Variants in RASAL2 observed in about 807,000 individuals in gnomAD.
RASAL2 encodes the protein ras GTPase-activating protein nGAP.
In RASAL2, 58 loss-of-function variants were observed where a neutral mutation model predicts 128.9. The observed-to-expected ratio is 0.45, with a 90% CI of 0.36 to 0.56. The LOEUF (loss-of-function observed/expected upper bound fraction) is 0.56, where lower values mean the gene tolerates loss of function less well. RASAL2 is among the 20% of genes least tolerant of loss of function. The pLI, the probability that RASAL2 is intolerant of heterozygous loss-of-function variation, is 0.00. For missense variants in RASAL2, 1,360 were observed against 1,601.6 expected (o/e 0.85, Z 2.57); for synonymous variants, 561 against 580.8 (o/e 0.97, Z 0.49).
chr1:178,259,688 A>G (rs1478670852), intron 1 of RASAL2, among the ~76,000 whole-genome samples: 1 of 152,132 alleles, frequency 6.6e-6, no homozygotes, highest in African/African-American at 2.4e-5. Flanking sequence ...TAGCCTCCCC[A>G]GTAGCTGGGA....
chr1:178,209,938 A>G (rs1192635350), intron 1 of RASAL2, among the ~76,000 whole-genome samples: 2 of 151,706 alleles, frequency 1.3e-5, no homozygotes, highest in Admixed American at 1.3e-4. Flanking sequence ...CTATGGATTG[A>G]TATCTTTTAT....
intron 17 of RASAL2, among the ~76,000 whole-genome samples, chr1:178,471,078 TAC>T (rs1648219897): frequency 6.6e-6 from 1 of 152,210 alleles, no homozygotes; most frequent in East Asian, 1.9e-4. Flanking sequence ...AGTAAGTAAT[TAC>T]AGTCATTCTT....
At position 178,094,443 on chromosome 1, in the gene RASAL2, C is replaced by T; in HGVS notation, c.-50C>T. On this transcript the variant is annotated 5_prime_UTR_variant, in exon 1 of 18. Coordinates refer to ENST00000367649, the MANE Select transcript of RASAL2 (RefSeq NM_170692.4). ...CGCAGGCAGGGCGCGGAGCCGCGCG[C>T]CAGCCCGCCCCGAAGCCGCCGCCTC... 1 of 1,476,858 alleles carries T rather than the reference C, an allele frequency of 6.8e-7. No individual in the cohort carries two copies. Among genetic ancestry groups the T allele is most frequent in the South Asian group, 1.3e-5 (1 of 74,260 alleles). The allele number at this position is 1,476,858 out of a possible 1,614,324, so 91.5% of individuals were successfully genotyped here. A position where few individuals can be genotyped will look rare whatever the true frequency, so the allele number is the denominator to read the frequency against.
Position 178,250,994 on chromosome 1 carries a change from A to G in RASAL2, c.203-32570A>G, listed in dbSNP as rs1475068112. On this transcript the variant is annotated intron_variant, in intron 1 of 17. Coordinates refer to ENST00000367649, the MANE Select transcript of RASAL2 (RefSeq NM_170692.4). ...AGTGTCATGTTTGCTGCTACTGTTAATAACTTTTGTTACTATTTTGTAAAA... is the reference window on the plus strand; with the variant it reads ...AGTGTCATGTTTGCTGCTACTGTTAGTAACTTTTGTTACTATTTTGTAAAA... Among the ~76,000 whole-genome samples the G allele has an allele frequency of 2.6e-5, 4 of 152,192 alleles. No individual in the cohort carries two copies. The East Asian group carries it at 7.7e-4, about 29-fold the overall frequency.
intron 3 of RASAL2, among the ~76,000 whole-genome samples, chr1:178,333,812 C>T (rs374346999): frequency 5.9e-5 from 9 of 152,154 alleles, no homozygotes; most frequent in East Asian, 3.8e-4. Flanking sequence ...CTCACTGAAA[C>T]AAACTTCTCC....
At chr1:178,378,489 A>G (rs569165956) in intron 3 of RASAL2, among the ~76,000 whole-genome samples, 3 of 152,222 alleles carry the variant, frequency 2.0e-5, no homozygotes, top group East Asian at 1.9e-4. Flanking sequence ...GACTCCAACA[A>G]TTAGTCTTCT....
At position 178,257,048 on chromosome 1, in the gene RASAL2, A is replaced by T. The variant is rs1665386703; in HGVS notation, c.203-26516A>T. On this transcript the variant is annotated intron_variant, in intron 1 of 17. Coordinates refer to ENST00000367649, the MANE Select transcript of RASAL2 (RefSeq NM_170692.4). ...ATTTTATTCATAAAACATCAAAAAG[A>T]ATAAGATACTTAGGAATTTAATAAA... Among the ~76,000 whole-genome samples the T allele has an allele frequency of 3.3e-5, 5 of 150,876 alleles. No homozygotes were observed. In the South Asian group the frequency reaches 1.0e-3, roughly 32 times the overall value.
At chr1:178,377,321 T>C (rs1266542583) in intron 3 of RASAL2, among the ~76,000 whole-genome samples, 1 of 151,908 alleles carries the variant, frequency 6.6e-6, no homozygotes, top group East Asian at 1.9e-4. Flanking sequence ...AAAAATAATA[T>C]AGAGACAATT....
chr1:178,431,243 T>G (rs1675877025), intron 5 of RASAL2, among the ~76,000 whole-genome samples: 1 of 152,070 alleles, frequency 6.6e-6, no homozygotes, highest in Non-Finnish European at 1.5e-5. Context: ...TGTTTACATA[T>G]CAGTTAATTT....
intron 3 of RASAL2, among the ~76,000 whole-genome samples, chr1:178,357,620 C>CA (rs1670880215): frequency 6.6e-6 from 1 of 151,522 alleles, no homozygotes; most frequent in Non-Finnish European, 1.5e-5. Context: ...TACTCTCAGC[C>CA]AAAAACAAAA....
chr1:178,368,829 G>T (rs1671549676), intron 3 of RASAL2, among the ~76,000 whole-genome samples: 1 of 151,698 alleles, frequency 6.6e-6, no homozygotes, highest in Non-Finnish European at 1.5e-5. Context: ...GTAGAAGTGG[G>T]GTCTCACTAT....
At chr1:178,411,805 C>G in intron 4 of RASAL2, 1 of 773,882 alleles carries the variant, frequency 1.3e-6, no homozygotes, top group South Asian at 1.3e-5. Flanking sequence ...GGATGTGGCC[C>G]AGAGGTGCAA....
At chr1:178,150,385 C>T (rs1660871494) in intron 1 of RASAL2, among the ~76,000 whole-genome samples, 1 of 151,976 alleles carries the variant, frequency 6.6e-6, no homozygotes, top group African/African-American at 2.4e-5. Flanking sequence ...AGGGTTTTGC[C>T]ATGTTGGGCA....
chr1:178,272,965 G>A (rs1031636881), intron 1 of RASAL2, among the ~76,000 whole-genome samples: 6 of 151,672 alleles, frequency 4.0e-5, no homozygotes, highest in Non-Finnish European at 8.8e-5. Flanking sequence ...TTGCTGTAAC[G>A]ACTTGGAATT....
chr1:178,398,225 C>T (rs1326059800), intron 4 of RASAL2, among the ~76,000 whole-genome samples: 1 of 151,840 alleles, frequency 6.6e-6, no homozygotes, highest in Non-Finnish European at 1.5e-5. Context: ...TACTTTTACT[C>T]AAGGATGTAG....
At chr1:178,247,833 A>G (rs975165779) in intron 1 of RASAL2, among the ~76,000 whole-genome samples, 3 of 152,190 alleles carry the variant, frequency 2.0e-5, no homozygotes, top group African/African-American at 4.8e-5. Context: ...TTTACGCAGT[A>G]GTCATGCAGG....
chr1:178,138,063 C>T (rs368064080), intron 1 of RASAL2, among the ~76,000 whole-genome samples: 7 of 152,038 alleles, frequency 4.6e-5, no homozygotes, highest in East Asian at 1.9e-4. Flanking sequence ...AGAAGTGCCA[C>T]GTGTATTTTC....
intron 4 of RASAL2, among the ~76,000 whole-genome samples, chr1:178,397,520 C>T (rs1673314287): frequency 6.6e-6 from 1 of 152,000 alleles, no homozygotes; most frequent in Admixed American, 6.6e-5. Context: ...TTTCTTTTTA[C>T]ATAATGAAAA....
At chr1:178,214,491 T>C (rs1374371670) in intron 1 of RASAL2, among the ~76,000 whole-genome samples, 2 of 151,924 alleles carry the variant, frequency 1.3e-5, no homozygotes, top group Admixed American at 6.6e-5. Context: ...CAGTCAAGTA[T>C]GTTTCACATA....
Sources: gnomAD v4.1 joint callset for allele counts (sites outside exome capture counted in the v4.1 genomes callset) on GRCh38, gnomAD v4.1.1 for gene constraint, MANE v1.5 for transcripts, NCBI Gene and HGNC (gene_info 2026-07-23, HGNC 2026-07-21) for gene names.